ITGA1: variants seen among roughly 807,000 people sequenced by gnomAD.
The protein encoded by ITGA1 is integrin subunit alpha 1.
Under a neutral mutation model 145.9 loss-of-function variants are expected in ITGA1, and 85 were observed. The ratio of observed to expected loss-of-function variants is 0.58; its 90% CI spans 0.49 to 0.70. ITGA1 has a LOEUF of 0.70. Ranked by LOEUF, ITGA1 falls within the 30% of genes least tolerant of loss-of-function variation. The pLI, the probability that ITGA1 is intolerant of heterozygous loss-of-function variation, is 0.00. For synonymous variants in ITGA1, 520 were observed against 495.3 expected (o/e 1.05, Z -0.66); for missense variants, 1,351 against 1,418.7 (o/e 0.95, Z 0.77).
rs115816642 is a variant in ITGA1 at position 52,851,929 on chromosome 5, C to T, written c.182+2444C>T. Among the ~76,000 whole-genome samples the T allele has an allele frequency of 1.5e-3, 222 of 152,204 alleles. 1 individual carries two copies. The highest frequency in any genetic ancestry group is 5.1e-3 in the African/African-American group (211 of 41,536). ...TTTATACATAAAACAAATATAAAAGCTTTAACCTAGTCAAGGACATACATG... is the reference window on the plus strand; with the variant it reads ...TTTATACATAAAACAAATATAAAAGTTTTAACCTAGTCAAGGACATACATG... On this transcript the variant is annotated intron_variant, in intron 2 of 28. Transcript: ENST00000282588.
rs1750291514 is a variant in ITGA1 at position 52,900,110 on chromosome 5, C to T, written c.1309+1727C>T. On this transcript the variant is annotated intron_variant, in intron 11 of 28. Transcript: ENST00000282588. ...GAGAGACAATAATGAAACAAGCAAT[C>T]ACTATCAGTATGATATGTGCTATGA... Among the ~76,000 whole-genome samples the T allele has an allele frequency of 2.6e-5, 4 of 152,184 alleles. 1 individual carries two copies. Among genetic ancestry groups the T allele is most frequent in the African/African-American group, 9.6e-5 (4 of 41,514 alleles).
intron 8 of ITGA1, among the ~76,000 whole-genome samples, chr5:52,892,088 A>G (rs1750160879): frequency 1.3e-5 from 2 of 152,120 alleles, no homozygotes; most frequent in South Asian, 4.1e-4. Context: ...AAAACACATA[A>G]AGGACTTGCA....
Position 52,925,448 on chromosome 5 carries a change from A to C in ITGA1, c.2574A>C (p.Ile858=). ...ACAGTGCCTATAACACCAGGACAATAGTGCATTATTCTCCAAATCTAGTTT... is the reference window on the plus strand; with the variant it reads ...ACAGTGCCTATAACACCAGGACAATCGTGCATTATTCTCCAAATCTAGTTT... ...TKDSAYNTRT[I]VHYSPNLVFS... is the part of the protein sequence containing the mutation. The change falls in exon 19 of 29, where the codon ATA becomes ATC. Residue 858 remains isoleucine (I), a synonymous_variant. Transcript: ENST00000282588. 6.2e-7 allele frequency: 1 copy of C among 1,613,998 alleles called. No homozygotes were observed. Among genetic ancestry groups the C allele is most frequent in the Non-Finnish European group, 8.5e-7 (1 of 1,179,874 alleles).
At chr5:52,789,989 T>C (rs1437568470) in intron 1 of ITGA1, among the ~76,000 whole-genome samples, 1 of 152,240 alleles carries the variant, frequency 6.6e-6, no homozygotes, top group Non-Finnish European at 1.5e-5. Flanking sequence ...GTGTGCACTA[T>C]ATTTATGCCC....
chr5:52,868,131 CCTAA>C (rs1420500022), intron 6 of ITGA1, among the ~76,000 whole-genome samples: 2 of 152,118 alleles, frequency 1.3e-5, no homozygotes, highest in Non-Finnish European at 1.5e-5. Flanking sequence ...GATCTTCTTA[CCTAA>C]CTTTTTCCTT....
chr5:52,944,457 T>A (rs953230789), intron 26 of ITGA1, among the ~76,000 whole-genome samples: 3 of 152,140 alleles, frequency 2.0e-5, no homozygotes, highest in Non-Finnish European at 4.4e-5. Flanking sequence ...ACTTGCGGTG[T>A]TTTCTCCCTA....
Position 52,956,232 on chromosome 5 carries a change from C to T in ITGA1, c.*3781C>T, listed in dbSNP as rs1751303516. ...CGGGGGAATGTCCTTGTCCAACACG[C>T]TGTAATCTACTCCATGGGAACTGAC... On this transcript the variant is annotated 3_prime_UTR_variant, in exon 29 of 29. Transcript: ENST00000282588. 1 of 152,170 alleles carries T rather than the reference C, an allele frequency of 6.6e-6. No individual in the cohort carries two copies. Among genetic ancestry groups the T allele is most frequent in the Non-Finnish European group, 1.5e-5 (1 of 68,042 alleles). 9.4% of individuals were successfully genotyped at this position (152,170 alleles called of 1,614,324 possible).
chr5:52,829,850 T>C (rs1230996616), intron 1 of ITGA1, among the ~76,000 whole-genome samples: 1 of 152,164 alleles, frequency 6.6e-6, no homozygotes, highest in African/African-American at 2.4e-5. Flanking sequence ...TATTGGTATT[T>C]GGTCATTTTG....
chr5:52,866,820 T>C (rs1749694743), intron 6 of ITGA1, among the ~76,000 whole-genome samples: 1 of 152,178 alleles, frequency 6.6e-6, no homozygotes, highest in African/African-American at 2.4e-5. Context: ...TTTATTAAAC[T>C]CATATGGGCA....
chr5:52,879,067 T>A (rs1318482981), intron 6 of ITGA1, among the ~76,000 whole-genome samples: 1 of 151,978 alleles, frequency 6.6e-6, no homozygotes, highest in African/African-American at 2.4e-5. Context: ...AGAAGGACAT[T>A]TGAAATTGGG....
At chr5:52,907,156 C>T (rs1422107454) in intron 12 of ITGA1, among the ~76,000 whole-genome samples, 1 of 152,170 alleles carries the variant, frequency 6.6e-6, no homozygotes, top group East Asian at 1.9e-4. Flanking sequence ...ACAGCAGATT[C>T]CCAGGGCAAC....
chr5:52,826,075 C>T (rs535172091), intron 1 of ITGA1, among the ~76,000 whole-genome samples: 1 of 152,144 alleles, frequency 6.6e-6, no homozygotes, highest in South Asian at 2.1e-4. Flanking sequence ...CAAGATAGGC[C>T]AAAGCTAGGC....
Position 52,937,439 on chromosome 5 carries a change from G to A in ITGA1, c.3003G>A (p.Lys1001=), listed in dbSNP as rs1471166636. The change falls in exon 24 of 29, where the codon AAG becomes AAA. Residue 1001 remains lysine (K), a synonymous_variant. Transcript: ENST00000282588. ...KSGSFPMPEL[K]LSISFPNMTS... ...GATCTTTTCCAATGCCAGAGCTTAA[G>A]CTGTCAATTTCATTCCCCAATATGA... The A allele has an allele frequency of 6.2e-7, 1 of 1,613,682 alleles. No homozygotes were observed. The highest frequency in any genetic ancestry group is 2.2e-5 in the East Asian group (1 of 44,842).
At position 52,887,904 on chromosome 5, in the gene ITGA1, A is replaced by G; in HGVS notation, c.863A>G (p.His288Arg). The G allele has an allele frequency of 1.2e-6, 2 of 1,614,124 alleles. No individual in the cohort carries two copies. Among genetic ancestry groups the G allele is most frequent in the South Asian group, 1.1e-5 (1 of 91,076 alleles). ...IVTDGESHDN[H>R]RLKKVIQDCE... ...ACAGATGGAGAGTCTCATGACAATCATCGACTGAAGAAGGTCATCCAAGAC... is the reference window on the plus strand; with the variant it reads ...ACAGATGGAGAGTCTCATGACAATCGTCGACTGAAGAAGGTCATCCAAGAC... Residue 288 changes from histidine (H) to arginine (R), a missense_variant, in exon 8 of 29, where the codon CAT becomes CGT. Transcript: ENST00000282588.
Position 52,947,942 on chromosome 5 carries a change from T to A in ITGA1, c.3495+481T>A, listed in dbSNP as rs915256932. Among the ~76,000 whole-genome samples, 9 of 152,276 alleles carry A rather than the reference T, an allele frequency of 5.9e-5. No individual in the cohort carries two copies. The East Asian group carries it at 1.7e-3, about 29-fold the overall frequency. On this transcript the variant is annotated intron_variant, in intron 28 of 28. Transcript: ENST00000282588. ...TAAATATCAAATAATTCTTTAATGT[T>A]TAAATATATATGGCACATTTTATGT...
intron 6 of ITGA1, among the ~76,000 whole-genome samples, chr5:52,872,900 C>T (rs1159129669): frequency 6.6e-6 from 1 of 152,150 alleles, no homozygotes; most frequent in Non-Finnish European, 1.5e-5. Flanking sequence ...ATAGCAGCTG[C>T]AACCGTGAGA....
intron 1 of ITGA1, among the ~76,000 whole-genome samples, chr5:52,828,057 A>G (rs1748997521): frequency 6.6e-6 from 1 of 152,184 alleles, no homozygotes; most frequent in Non-Finnish European, 1.5e-5. Context: ...CAGTTGATGG[A>G]CATTTGAGTC....
intron 18 of ITGA1, 122 bp downstream of exon 18, chr5:52,923,009 G>T (rs1436132000): frequency 1.7e-6 from 1 of 602,622 alleles, no homozygotes; most frequent in Admixed American, 3.1e-5. Context: ...CTGGAAGAAA[G>T]AAAAAAAAGG....
chr5:52,951,608 T>G (rs529983667), intron 28 of ITGA1, among the ~76,000 whole-genome samples: 2 of 152,308 alleles, frequency 1.3e-5, no homozygotes, highest in Admixed American at 1.3e-4. Flanking sequence ...GCAGACGTCC[T>G]GATGCATTTA....
Sources: gnomAD v4.1 joint callset for allele counts (sites outside exome capture counted in the v4.1 genomes callset) on GRCh38, gnomAD v4.1.1 for gene constraint, MANE v1.5 for transcripts, NCBI Gene and HGNC (gene_info 2026-07-23, HGNC 2026-07-21) for gene names.